Variants in STIL observed in about 807,000 individuals in gnomAD.
STIL encodes the protein STIL centriolar assembly protein.
A neutral mutation model predicts 110.1 loss-of-function variants in STIL; 55 were observed. The ratio of observed to expected loss-of-function variants is 0.50; its 90% CI spans 0.40 to 0.63. The LOEUF is 0.63. STIL is among the 20% of genes least tolerant of loss of function. STIL has a pLI of 0.00. For synonymous variants in STIL, 481 were observed against 530.0 expected (o/e 0.91, Z 1.27); for missense variants, 1,358 against 1,530.0 (o/e 0.89, Z 1.87).
In STIL at chr1:47,305,059, G is replaced by A. The variant is rs751589259; in HGVS notation, c.45-63C>T. 1.6e-5 allele frequency: 18 copies of A among 1,122,156 alleles called. No individual in the cohort carries two copies. In the African/African-American group the frequency reaches 2.3e-4, roughly 14 times the overall value. The allele number at this position is 1,122,156 out of a possible 1,614,324, so 69.5% of individuals were successfully genotyped here. The stretch of plus-strand genomic sequence containing the variant: ...TAGCAAACTTGGTAGACATTTGGTA[G>A]GAAACAACTAACTATCTTTAAGGTG... On this transcript the variant is annotated intron_variant, in intron 2 of 16. Coordinates refer to ENST00000371877, the MANE Select transcript of STIL (RefSeq NM_001048166.1).
chr1:47,309,984 C>T lies in STIL; in HGVS notation c.44+292G>A, dbSNP rs141906318. Among the ~76,000 whole-genome samples the T allele has an allele frequency of 2.3e-3, 354 of 152,308 alleles. 2 individuals are homozygous for T. Among genetic ancestry groups the T allele is most frequent in the Non-Finnish European group, 4.1e-3 (282 of 68,036 alleles). The stretch of plus-strand genomic sequence containing the variant: ...GAAAATAATTGAAGGAGGGACGGAA[C>T]TAGTATTTACTGAGTGCCTATTACA... On this transcript the variant is annotated intron_variant, in intron 2 of 16. Transcript: ENST00000371877.
chr1:47,286,311 A>G (rs1645297327), intron 10 of STIL, among the ~76,000 whole-genome samples: 1 of 152,070 alleles, frequency 6.6e-6, no homozygotes. Flanking sequence ...TTATATTTCA[A>G]TATTCCAACT....
chr1:47,284,652 G>A (rs1055589523), intron 10 of STIL, among the ~76,000 whole-genome samples: 3 of 152,222 alleles, frequency 2.0e-5, no homozygotes, highest in Admixed American at 6.5e-5. Flanking sequence ...CACTTTGGGA[G>A]GCCAAGGTGG....
At chr1:47,314,895 C>A (rs1646239942), upstream of STIL, among the ~76,000 whole-genome samples, 1 of 143,094 alleles carries the variant, frequency 7.0e-6, no homozygotes, top group Non-Finnish European at 1.5e-5. Flanking sequence ...CCACGCCCGG[C>A]TAATTTTTTT....
At chr1:47,255,310 G>T (rs11211494) in intron 16 of STIL, among the ~76,000 whole-genome samples, 10,497 of 152,068 alleles carry the variant, frequency 0.069, 1,192 homozygotes, top group African/African-American at 0.24. Flanking sequence ...GAATAAATTT[G>T]AGTTAGCCAC....
chr1:47,300,231 A>T, intron 5 of STIL, 79 bp from the exon 6 acceptor site: 1 of 1,284,588 alleles, frequency 7.8e-7, no homozygotes, highest in Non-Finnish European at 1.1e-6. Context: ...ATACTGATAC[A>T]TATACATATA....
At chr1:47,299,546 C>T (rs1343702721) in intron 6 of STIL, among the ~76,000 whole-genome samples, 6 of 151,896 alleles carry the variant, frequency 4.0e-5, no homozygotes, top group African/African-American at 1.5e-4. Context: ...GCATGCACCA[C>T]CACGCTCAGC....
At chr1:47,264,361 G>C (rs888486785) in intron 14 of STIL, among the ~76,000 whole-genome samples, 1 of 151,650 alleles carries the variant, frequency 6.6e-6, no homozygotes, top group African/African-American at 2.4e-5. Context: ...CACTCTTTAG[G>C]GGGAAGAAAA....
At chr1:47,284,607 T>C (rs375294983) in intron 10 of STIL, among the ~76,000 whole-genome samples, 67 of 152,320 alleles carry the variant, frequency 4.4e-4, no homozygotes, top group Admixed American at 1.6e-3. Context: ...AAGATGTTCC[T>C]GGCTGGGTGA....
intron 1 of STIL, among the ~76,000 whole-genome samples, chr1:47,312,476 C>T (rs192097295): frequency 3.3e-5 from 5 of 151,732 alleles, no homozygotes; most frequent in African/African-American, 1.2e-4. Flanking sequence ...GGTGACTAAA[C>T]AGTCCTTCTT....
chr1:47,286,352 T>C (rs1645298868), intron 10 of STIL, among the ~76,000 whole-genome samples: 1 of 151,878 alleles, frequency 6.6e-6, no homozygotes, highest in African/African-American at 2.4e-5. Flanking sequence ...ATGGAGAAGA[T>C]GCAGCTTGAG....
intron 1 of STIL, 35 bp from the exon 2 acceptor site, chr1:47,310,397 TAAAAAC>T: frequency 7.4e-7 from 1 of 1,350,560 alleles, no homozygotes; most frequent in African/African-American, 1.5e-5. Flanking sequence ...TAATGAATGA[TAAAAAC>T]AAAGAAGAAA....
At chr1:47,267,666 CTA>C (rs1644692480) in intron 14 of STIL, among the ~76,000 whole-genome samples, 1 of 37,024 alleles carries the variant, frequency 2.7e-5, no homozygotes, top group Non-Finnish European at 5.5e-5. Context: ...GAGCGAGTAT[CTA>C]AAAAAAAAAA....
rs562083602 is a variant in STIL, at chr1:47,289,565, T to C, written c.893A>G (p.Asn298Ser). 1.9e-6 allele frequency: 3 copies of C among 1,613,708 alleles called. No individual in the cohort carries two copies. The highest frequency in any genetic ancestry group is 1.3e-5 in the African/African-American group (1 of 75,018). Residue 298 changes from asparagine to serine, a missense_variant, in exon 9 of 17, where the codon AAT (asparagine) becomes AGT (serine). Physicochemically the swap from Asn to Ser is conservative, Grantham distance 46 (BLOSUM62 1). Coordinates refer to ENST00000371877, the MANE Select transcript of STIL (RefSeq NM_001048166.1). ...CATAGAATAGAGAACTATGATGAAA[T>C]TTCCAGATTCTGAAAAAACCCTGCA... ...VQERVFSESG[N>S]FIIVLYSMTH...
intron 1 of STIL, 83 bp from the exon 2 acceptor site, chr1:47,310,445 G>T: frequency 1.2e-6 from 1 of 813,406 alleles, no homozygotes; most frequent in Non-Finnish European, 2.0e-6. Context: ...AAAATTACAG[G>T]CAAAATTAGA....
At chr1:47,262,808 A>G (rs1267365193) in intron 15 of STIL, 95 bp downstream of exon 15, 1 of 1,119,986 alleles carries the variant, frequency 8.9e-7, no homozygotes, top group Admixed American at 2.0e-5. Flanking sequence ...TTTTATCTTA[A>G]GGTCTCAATC....
intron 14 of STIL, 36 bp from the exon 15 acceptor site, chr1:47,263,152 A>G (rs1015497702): frequency 6.4e-7 from 1 of 1,569,014 alleles, no homozygotes; most frequent in Non-Finnish European, 8.8e-7. Context: ...TCATTGAGGT[A>G]CCTTTAACAT....
Position 47,262,998 on chromosome 1 carries a change from T to G in STIL, c.2734A>C (p.Asn912His), listed in dbSNP as rs1043080844. The G allele has an allele frequency of 1.9e-6, 3 of 1,614,096 alleles. No homozygotes were observed. The African/African-American group carries it at 4.0e-5, about 22-fold the overall frequency. Residue 912 changes from asparagine (N) to histidine (H), a missense_variant, in exon 15 of 17, where the codon AAT becomes CAT. Transcript: ENST00000371877. ...TTTGGTTCCTCTGATGTTTCAGAAT[T>G]GTTACTGGCACCCCCTGTTGGTCCA... ...QTGPTGGASN[N>H]SETSEEPKIE...
chr1:47,301,354 G>A (rs1157190841), intron 5 of STIL, among the ~76,000 whole-genome samples: 3 of 152,002 alleles, frequency 2.0e-5, no homozygotes, highest in African/African-American at 7.3e-5. Flanking sequence ...TTCTTATCTC[G>A]GTTACACTGC....
Sources: allele counts gnomAD v4.1 joint callset (sites outside exome capture counted in the v4.1 genomes callset), GRCh38; gene constraint gnomAD v4.1.1; transcripts MANE v1.5; gene names NCBI Gene and HGNC (gene_info 2026-07-23, HGNC 2026-07-21).